TSG101: variants seen among roughly 807,000 people sequenced by gnomAD.
TSG101 encodes tumor susceptibility gene 101 protein.
TSG101 carries 19 observed loss-of-function variants against 48.5 expected under a neutral mutation model. The ratio of observed to expected loss-of-function variants is 0.39; its 90% CI spans 0.27 to 0.58. The LOEUF is 0.58. Ranked by LOEUF, TSG101 falls within the 20% of genes least tolerant of loss-of-function variation. TSG101 has a pLI of 0.55. For missense variants in TSG101, 365 were observed against 484.4 expected (o/e 0.75, Z 2.31); for synonymous variants, 174 against 169.4 (o/e 1.03, Z -0.21).
intron 7 of TSG101, among the ~76,000 whole-genome samples, chr11:18,494,053 A>T (rs1376653875): frequency 6.6e-6 from 1 of 152,196 alleles, no homozygotes; most frequent in Non-Finnish European, 1.5e-5. Flanking sequence ...GCAGGTTTAC[A>T]CTTCTTGAAA....
intron 4 of TSG101, among the ~76,000 whole-genome samples, chr11:18,514,275 A>G (rs959597334): frequency 2.0e-5 from 3 of 152,184 alleles, no homozygotes; most frequent in African/African-American, 7.2e-5. Context: ...TTTCATAGGA[A>G]CATTAATCTG....
chr11:18,499,402 A>ATATATATATATATATATATTTTTTT, intron 7 of TSG101, among the ~76,000 whole-genome samples: 5 of 5,450 alleles, frequency 9.2e-4, no homozygotes, highest in Non-Finnish European at 1.4e-3. Flanking sequence ...ATATATATAT[A>ATATATATATATATATATATTTTTTT]TTTTTTTTTT....
Position 18,519,599 on chromosome 11 carries a change from T to C in TSG101, c.47A>G (p.Lys16Arg), listed in dbSNP as rs754026084. The C allele has an allele frequency of 1.9e-6, 3 of 1,607,886 alleles. No homozygotes were observed. The South Asian group carries it at 3.3e-5, about 18-fold the overall frequency. ...TTCACGTACAGTTAGGTCTCTGTAT[T>C]TGTACTGAAAAGCAAAATCGCATAA... Reference protein sequence around the residue: ...SQLKKMVSKYKYRDLTVRETV... With the variant: ...SQLKKMVSKYRYRDLTVRETV... The change falls in exon 2 of 10, where the codon AAA (lysine) becomes AGA (arginine). Residue 16 changes from lysine (K) to arginine (R), a missense_variant. Lys to Arg is a conservative substitution (Grantham distance 26, BLOSUM62 2). Transcript: ENST00000251968.
chr11:18,480,481 C>T lies in TSG101; in HGVS notation c.*65G>A. 7.9e-7 allele frequency: 1 copy of T among 1,272,552 alleles called. No homozygotes were observed. Among genetic ancestry groups the T allele is most frequent in the African/African-American group, 1.5e-5 (1 of 67,622 alleles). 78.8% of individuals were successfully genotyped at this position (1,272,552 alleles called of 1,614,324 possible). A position where few individuals can be genotyped will look rare whatever the true frequency, so the allele number is the denominator to read the frequency against. On this transcript the variant is annotated 3_prime_UTR_variant, in exon 10 of 10. Transcript: ENST00000251968. ...AACTGCAATAACTTATTCTGGGCAC[C>T]TACTGATAAAAGGAAGAGAAGAATA...
At position 18,484,935 on chromosome 11, in the gene TSG101, C is replaced by CTTTTT. The variant is rs529154247; in HGVS notation, c.641-868_641-864dup. On this transcript the variant is annotated intron_variant, in intron 7 of 9. Coordinates refer to ENST00000251968, the MANE Select transcript of TSG101 (RefSeq NM_006292.4). ...AAGTATATTTAACCTTAATTGCCGC[C>CTTTTT]TTTTTTTTTTTTTTTTTTTTTGAGA... 3.7e-4 allele frequency among the ~76,000 whole-genome samples: 40 copies of CTTTTT among 108,022 alleles called. 2 individuals carry two copies. The highest frequency in any genetic ancestry group is 6.0e-4 in the African/African-American group (16 of 26,696). The allele number at this position is 108,022 out of a possible 152,430, so 70.9% of individuals were successfully genotyped here.
At chr11:18,490,520 C>T in intron 7 of TSG101, 1 of 487,898 alleles carries the variant, frequency 2.0e-6, no homozygotes, top group Non-Finnish European at 4.0e-6. Context: ...CAAATGCTTC[C>T]TGGTAAGCCT....
At chr11:18,511,512 C>T (rs1850081650) in intron 4 of TSG101, 1 of 152,296 alleles carries the variant, frequency 6.6e-6, no homozygotes. Flanking sequence ...CTGTGCAACA[C>T]TCACAGATAC....
intron 9 of TSG101, among the ~76,000 whole-genome samples, chr11:18,481,002 G>A (rs1849528560): frequency 6.6e-6 from 1 of 152,196 alleles, no homozygotes; most frequent in Non-Finnish European, 1.5e-5. Context: ...CCCACAGTGA[G>A]AGGAGATAGG....
chr11:18,526,640 G>A (rs529102708), intron 1 of TSG101, 135 bp downstream of exon 1: 2 of 1,050,698 alleles, frequency 1.9e-6, no homozygotes, highest in African/African-American at 1.6e-5. Flanking sequence ...GCGGGGTTCT[G>A]AGGAGGTCGC....
rs1849680211 is a variant in TSG101 at position 18,490,314 on chromosome 11, A to G, written c.641-6242T>C. On this transcript the variant is annotated intron_variant, in intron 7 of 9. Transcript: ENST00000251968. ...GAGTAACACTGTCCCAAGTAATTGCATGATCAGAGTGCTGTCTTTATAAGA... is the reference window on the plus strand; with the variant it reads ...GAGTAACACTGTCCCAAGTAATTGCGTGATCAGAGTGCTGTCTTTATAAGA... 3 of 589,522 alleles carry G rather than the reference A, an allele frequency of 5.1e-6. No individual in the cohort carries two copies. In the Admixed American group the frequency reaches 5.8e-5, roughly 11 times the overall value. 36.5% of individuals were successfully genotyped at this position (589,522 alleles called of 1,614,324 possible). A position where few individuals can be genotyped will look rare whatever the true frequency, so the allele number is the denominator to read the frequency against.
intron 7 of TSG101, among the ~76,000 whole-genome samples, chr11:18,493,038 G>C (rs1454946605): frequency 1.3e-5 from 2 of 152,126 alleles, no homozygotes; most frequent in African/African-American, 4.8e-5. Flanking sequence ...ACAAGAATAA[G>C]AAGAGTTTTT....
intron 3 of TSG101, among the ~76,000 whole-genome samples, chr11:18,515,169 TCTC>T (rs1319978750): frequency 6.6e-6 from 1 of 152,210 alleles, no homozygotes; most frequent in Non-Finnish European, 1.5e-5. Flanking sequence ...GTGGCCTTGT[TCTC>T]CTCTGTAATC....
intron 7 of TSG101, among the ~76,000 whole-genome samples, chr11:18,493,315 C>T (rs1849725517): frequency 6.6e-6 from 1 of 152,258 alleles, no homozygotes; most frequent in Non-Finnish European, 1.5e-5. Context: ...ATAATTTATG[C>T]AAGTATATTC....
chr11:18,481,769 T>C lies in TSG101; in HGVS notation c.944A>G (p.Asp315Gly). 6.2e-7 allele frequency: 1 copy of C among 1,614,178 alleles called. No individual in the cohort carries two copies. The highest frequency in any genetic ancestry group is 1.3e-5 in the African/African-American group (1 of 75,052). Reference protein sequence around the residue: ...MENQSENNDIDEVIIPTAPLY... With the variant: ...MENQSENNDIGEVIIPTAPLY... The stretch of plus-strand genomic sequence containing the variant: ...GGGAGCTGTGGGAATGATAACTTCA[T>C]CGATATCATTGTTTTCAGACTGATT... Residue 315 changes from aspartate (D) to glycine (G), a missense_variant, in exon 9 of 10, where the codon GAT (aspartate) becomes GGT (glycine). Coordinates refer to ENST00000251968, the MANE Select transcript of TSG101 (RefSeq NM_006292.4).
chr11:18,499,734 A>T (rs936217171), intron 7 of TSG101, among the ~76,000 whole-genome samples: 4 of 151,758 alleles, frequency 2.6e-5, no homozygotes. Context: ...TAGATACATA[A>T]TATTTGTACA....
At chr11:18,494,193 A>T (rs1298430840) in intron 7 of TSG101, among the ~76,000 whole-genome samples, 3 of 152,250 alleles carry the variant, frequency 2.0e-5, no homozygotes, top group East Asian at 3.8e-4. Flanking sequence ...AAAAAGAAAC[A>T]GTGTGACAAA....
chr11:18,523,785 A>C (rs1356473492), intron 1 of TSG101, among the ~76,000 whole-genome samples: 1 of 152,190 alleles, frequency 6.6e-6, no homozygotes, highest in African/African-American at 2.4e-5. Flanking sequence ...TACAGGCATG[A>C]GCCATTGCAC....
intron 1 of TSG101, among the ~76,000 whole-genome samples, chr11:18,523,019 A>G (rs937792110): frequency 3.3e-5 from 5 of 152,044 alleles, no homozygotes; most frequent in African/African-American, 1.2e-4. Flanking sequence ...CCTCCCAACC[A>G]GCTGGGATTA....
intron 7 of TSG101, among the ~76,000 whole-genome samples, chr11:18,486,113 G>A (rs1565081898): frequency 6.6e-6 from 1 of 152,222 alleles, no homozygotes; most frequent in African/African-American, 2.4e-5. Context: ...CCTTTGGGTA[G>A]GGGAACCACC....
Sources: gnomAD v4.1 joint callset for allele counts (sites outside exome capture counted in the v4.1 genomes callset) on GRCh38, gnomAD v4.1.1 for gene constraint, MANE v1.5 for transcripts, NCBI Gene and HGNC (gene_info 2026-07-23, HGNC 2026-07-21) for gene names.